Variants in NLGN1 observed in about 807,000 individuals in gnomAD.
NLGN1 encodes the protein neuroligin 1.
In NLGN1, 12 loss-of-function variants were observed where a neutral mutation model predicts 65.5. The ratio of observed to expected loss-of-function variants is 0.18; its 90% CI spans 0.12 to 0.30. NLGN1 has a LOEUF of 0.30. Among genes scored for constraint, NLGN1 ranks in the 10% least tolerant of loss-of-function variants. The probability of loss-of-function intolerance (pLI) is 1.00; values close to 1 mark genes in which losing one functional copy is unlikely to be tolerated. For missense variants in NLGN1, 750 were observed against 1,007.1 expected (o/e 0.74, Z 3.46); for synonymous variants, 350 against 359.5 (o/e 0.97, Z 0.30).
intron 2 of NLGN1, among the ~76,000 whole-genome samples, chr3:173,574,708 A>G (rs1416998874): frequency 2.6e-5 from 4 of 152,234 alleles, no homozygotes; most frequent in Non-Finnish European, 4.4e-5. Context: ...GAGAGAACAT[A>G]TATTGAATAC....
intron 2 of NLGN1, among the ~76,000 whole-genome samples, chr3:173,603,763 G>T (rs1750939357): frequency 6.6e-6 from 1 of 151,966 alleles, no homozygotes; most frequent in African/African-American, 2.4e-5. Context: ...GAATTTTCTT[G>T]TCCTCATATT....
intron 4 of NLGN1, among the ~76,000 whole-genome samples, chr3:174,176,388 G>C (rs575236334): frequency 1.1e-4 from 17 of 151,058 alleles, no homozygotes; most frequent in Admixed American, 9.9e-4. Context: ...GTTTTTTATA[G>C]ATGCAAAAAA....
chr3:173,703,218 A>C (rs566454931), intron 3 of NLGN1, among the ~76,000 whole-genome samples: 1 of 152,272 alleles, frequency 6.6e-6, no homozygotes, highest in Admixed American at 6.5e-5. Flanking sequence ...CCTTTATAGA[A>C]CCAAATTAGT....
At chr3:174,188,114 G>A (rs1191044996) in intron 4 of NLGN1, among the ~76,000 whole-genome samples, 1 of 151,992 alleles carries the variant, frequency 6.6e-6, no homozygotes, top group East Asian at 1.9e-4. Flanking sequence ...AAAGAGTGTA[G>A]CGCTTCAAAG....
At chr3:173,702,893 A>G (rs752146406) in intron 3 of NLGN1, among the ~76,000 whole-genome samples, 1 of 152,192 alleles carries the variant, frequency 6.6e-6, no homozygotes, top group Non-Finnish European at 1.5e-5. Flanking sequence ...TTTTTGAGCA[A>G]TATTACTTGA....
intron 4 of NLGN1, among the ~76,000 whole-genome samples, chr3:174,089,483 A>T (rs1244643289): frequency 2.0e-5 from 3 of 152,164 alleles, no homozygotes; most frequent in African/African-American, 7.2e-5. Context: ...ATAAGAGAGG[A>T]TACAAGAAAA....
chr3:173,557,227 T>C (rs6804926), intron 2 of NLGN1, among the ~76,000 whole-genome samples: 85,673 of 151,814 alleles, frequency 0.56, 24,116 homozygotes, highest in East Asian at 0.8. Context: ...TTATCTCTGA[T>C]AAAACTCTGT....
At chr3:173,768,016 G>A (rs1449120147) in intron 3 of NLGN1, among the ~76,000 whole-genome samples, 2 of 151,794 alleles carry the variant, frequency 1.3e-5, no homozygotes, top group Non-Finnish European at 2.9e-5. Context: ...CATTAAGTAA[G>A]TTGTTAATAA....
intron 4 of NLGN1, among the ~76,000 whole-genome samples, chr3:174,018,239 T>C (rs1364542210): frequency 6.6e-6 from 1 of 152,162 alleles, no homozygotes; most frequent in African/African-American, 2.4e-5. Flanking sequence ...CCTGTTCTTT[T>C]TTCAAGGTGC....
At chr3:173,716,922 G>A (rs571406136) in intron 3 of NLGN1, among the ~76,000 whole-genome samples, 13 of 152,192 alleles carry the variant, frequency 8.5e-5, no homozygotes, top group South Asian at 4.1e-4. Context: ...GCCTCATACC[G>A]TTTATCCTGA....
intron 4 of NLGN1, among the ~76,000 whole-genome samples, chr3:173,923,678 A>T (rs890047316): frequency 2.0e-5 from 3 of 152,200 alleles, no homozygotes; most frequent in Non-Finnish European, 4.4e-5. Flanking sequence ...ATAAATTGAA[A>T]CAAAAAATCC....
chr3:173,921,259 T>C (rs1339815584), intron 4 of NLGN1, among the ~76,000 whole-genome samples: 1 of 147,664 alleles, frequency 6.8e-6, no homozygotes, highest in Non-Finnish European at 1.5e-5. Context: ...ATGTAGTATA[T>C]ATAATATATA....
At chr3:173,573,924 G>A (rs532694349) in intron 2 of NLGN1, among the ~76,000 whole-genome samples, 1 of 151,568 alleles carries the variant, frequency 6.6e-6, no homozygotes, top group African/African-American at 2.4e-5. Context: ...TTAGCCGGGC[G>A]TGGTAGCGGG....
intron 4 of NLGN1, among the ~76,000 whole-genome samples, chr3:174,073,228 G>C (rs916094857): frequency 6.6e-6 from 1 of 151,708 alleles, no homozygotes; most frequent in Non-Finnish European, 1.5e-5. Flanking sequence ...AGTCATGCTA[G>C]GGATACAGAA....
chr3:174,119,611 C>T (rs1717315810), intron 4 of NLGN1, among the ~76,000 whole-genome samples: 1 of 152,126 alleles, frequency 6.6e-6, no homozygotes, highest in African/African-American at 2.4e-5. Flanking sequence ...TAAAACTGCT[C>T]CAAAACAAGA....
chr3:174,066,688 G>A (rs1435992358), intron 4 of NLGN1, among the ~76,000 whole-genome samples: 1 of 151,780 alleles, frequency 6.6e-6, no homozygotes, highest in Non-Finnish European at 1.5e-5. Context: ...TGATCTAAAG[G>A]TAAAATTATG....
chr3:174,249,518 G>A (rs1744407702), intron 4 of NLGN1, among the ~76,000 whole-genome samples: 1 of 152,166 alleles, frequency 6.6e-6, no homozygotes, highest in Non-Finnish European at 1.5e-5. Flanking sequence ...GTCCTTTCTT[G>A]AAATAAGGCT....
intron 2 of NLGN1, among the ~76,000 whole-genome samples, chr3:173,537,410 T>C (rs1312119955): frequency 2.0e-5 from 3 of 152,122 alleles, no homozygotes; most frequent in South Asian, 4.1e-4. Flanking sequence ...ATTCCATAAC[T>C]TAAATACTGT....
intron 3 of NLGN1, among the ~76,000 whole-genome samples, chr3:173,778,026 G>T (rs995833202): frequency 6.6e-6 from 1 of 151,700 alleles, no homozygotes; most frequent in Admixed American, 6.6e-5. Context: ...ACCCAATGAA[G>T]CACTCATCAA....
Sources: gnomAD v4.1 joint callset for allele counts (sites outside exome capture counted in the v4.1 genomes callset) on GRCh38, gnomAD v4.1.1 for gene constraint, MANE v1.5 for transcripts, NCBI Gene and HGNC (gene_info 2026-07-23, HGNC 2026-07-21) for gene names.